The following NPHP4 variants were observed in gnomAD, a reference collection of about 807,000 sequenced individuals.
The protein encoded by NPHP4 is nephrocystin 4.
Under a neutral mutation model 155.8 loss-of-function variants are expected in NPHP4, and 151 were observed. That is an observed-to-expected ratio of 0.97 (90% CI 0.85 to 1.11). The LOEUF (loss-of-function observed/expected upper bound fraction) is 1.11. Ranked by LOEUF, NPHP4 falls within the 50% of genes least tolerant of loss-of-function variation. The pLI, the probability that NPHP4 is intolerant of heterozygous loss-of-function variation, is 0.00. For synonymous variants in NPHP4, 845 were observed against 816.8 expected (o/e 1.03, Z -0.59); for missense variants, 1,956 against 1,925.7 (o/e 1.02, Z -0.29).
At chr1:5,872,619 G>A (rs979219856) in intron 23 of NPHP4, among the ~76,000 whole-genome samples, 23 of 152,318 alleles carry the variant, frequency 1.5e-4, no homozygotes, top group African/African-American at 5.3e-4. Context: ...CCACGGGAAC[G>A]CCACAGCCTC....
At chr1:5,941,637 C>G (rs1646821665) in intron 9 of NPHP4, among the ~76,000 whole-genome samples, 1 of 152,044 alleles carries the variant, frequency 6.6e-6, no homozygotes, top group Admixed American at 6.5e-5. Flanking sequence ...TGAAGATGAG[C>G]CTGAAGCATC....
intron 9 of NPHP4, among the ~76,000 whole-genome samples, chr1:5,941,770 A>G (rs1431269847): frequency 6.6e-6 from 1 of 152,194 alleles, no homozygotes; most frequent in Non-Finnish European, 1.5e-5. Flanking sequence ...AATCAGAAGC[A>G]GTGACTTTGA....
chr1:5,955,320 C>T (rs886186842), intron 6 of NPHP4, among the ~76,000 whole-genome samples: 4 of 152,220 alleles, frequency 2.6e-5, no homozygotes, highest in African/African-American at 9.6e-5. Flanking sequence ...GAAAACTAGA[C>T]AGAGGTTCCT....
At position 5,944,870 on chromosome 1, in the gene NPHP4, T is replaced by C. The variant is rs1216437268; in HGVS notation, c.1119+2234A>G. Among the ~76,000 whole-genome samples the C allele has an allele frequency of 1.3e-5, 2 of 152,036 alleles. No homozygotes were observed. The highest frequency in any genetic ancestry group is 2.9e-5 in the Non-Finnish European group (2 of 68,008). On this transcript the variant is annotated intron_variant, in intron 9 of 29. Transcript: ENST00000378156. The surrounding 1 kb of genome is among the most constrained non-coding windows in gnomAD (Gnocchi z 4.3). Reference sequence around the variant, plus strand: ...CTATAGTCCCAGCTACTCAGGAGACTGAGGCAGGAGAGTCACTTGAACCCA... The same window carrying C: ...CTATAGTCCCAGCTACTCAGGAGACCGAGGCAGGAGAGTCACTTGAACCCA...
chr1:5,945,042 C>T (rs962025909), intron 9 of NPHP4, among the ~76,000 whole-genome samples: 1 of 152,194 alleles, frequency 6.6e-6, no homozygotes, highest in South Asian at 2.1e-4. Flanking sequence ...CGGCCACCAT[C>T]GAAACCACCT....
intron 2 of NPHP4, among the ~76,000 whole-genome samples, chr1:5,981,355 A>G (rs1156742479): frequency 6.6e-6 from 1 of 152,218 alleles, no homozygotes; most frequent in African/African-American, 2.4e-5. Flanking sequence ...AGTATAGGGC[A>G]GAGTCAACTC....
chr1:5,952,928 G>C, intron 6 of NPHP4, 92 bp from the exon 7 acceptor site: 1 of 1,246,992 alleles, frequency 8.0e-7, no homozygotes, highest in Non-Finnish European at 1.1e-6. Context: ...AGCCTCAGCC[G>C]GGGCCTGCAG....
Position 5,905,723 on chromosome 1 carries a change from G to A in NPHP4, c.1672C>T (p.Leu558=), listed in dbSNP as rs1644883722. ...TCGGCAATGGATGTTTCCAGGACCA[G>A]GGAGGTCTGGCTCAGGTCGGCTTCC... is the stretch of plus-strand genomic sequence containing the variant. ...HLEADLSQTS[L]VLETSIAEQL... Residue 558 remains leucine, a synonymous_variant, in exon 14 of 30, where the codon CTG becomes TTG. Transcript: ENST00000378156. This position sits in a 1 kb window ranked among gnomAD's most constrained non-coding sequence, Gnocchi z 4.0. 1 of 1,613,490 alleles carries A rather than the reference G, an allele frequency of 6.2e-7. No homozygotes were observed. The highest frequency in any genetic ancestry group is 1.3e-5 in the African/African-American group (1 of 74,926).
At chr1:5,864,957 A>G in intron 27 of NPHP4, 145 bp downstream of exon 27, 2 of 737,306 alleles carry the variant, frequency 2.7e-6, no homozygotes, top group East Asian at 2.7e-5. Flanking sequence ...AACTGCCGAG[A>G]GGCCTCTGGT....
chr1:5,934,852 C>G lies in NPHP4; in HGVS notation c.1120-1523G>C, dbSNP rs1646454309. On this transcript the variant is annotated intron_variant, in intron 9 of 29. Transcript: ENST00000378156. ...AGAGGATCCAGGAATTTGCGCTGCC[C>G]TGGGAGCGAAGGAGGAGGCAAGACT... Among the ~76,000 whole-genome samples, 4 of 152,312 alleles carry G rather than the reference C, an allele frequency of 2.6e-5. No homozygotes were observed. In the South Asian group the frequency reaches 8.3e-4, roughly 32 times the overall value.
At chr1:5,964,812 G>T (rs867564166) in intron 5 of NPHP4, among the ~76,000 whole-genome samples, 5 of 149,418 alleles carry the variant, frequency 3.3e-5, no homozygotes, top group African/African-American at 1.2e-4. Context: ...CAGGTGAGGG[G>T]ATGGGGAAAG....
chr1:5,951,310 T>C (rs1557816913), intron 7 of NPHP4, among the ~76,000 whole-genome samples: 2 of 152,228 alleles, frequency 1.3e-5, no homozygotes, highest in African/African-American at 4.8e-5. Flanking sequence ...GGGTGTGACG[T>C]GAAGAGGACT....
intron 5 of NPHP4, among the ~76,000 whole-genome samples, chr1:5,965,740 T>C (rs916690131): frequency 2.6e-5 from 4 of 152,108 alleles, no homozygotes; most frequent in African/African-American, 9.7e-5. Flanking sequence ...CCAGCCCTTC[T>C]AGAGACTCCA....
At chr1:5,878,367 C>T (rs921381774) in intron 19 of NPHP4, among the ~76,000 whole-genome samples, 6 of 152,348 alleles carry the variant, frequency 3.9e-5, no homozygotes, top group Middle Eastern at 6.8e-3. Flanking sequence ...TACAAGTCTC[C>T]GGCACAGGCC....
Position 5,877,109 on chromosome 1 carries a change from C to G in NPHP4, c.2801G>C (p.Arg934Pro). Residue 934 changes from arginine to proline, a missense_variant, in exon 20 of 30, where the codon CGC (arginine) becomes CCC (proline). Physicochemically the swap from Arg to Pro is moderately radical, Grantham distance 103. Transcript: ENST00000378156. ...AACCCTTACCAACACGCTCGTCCCG[C>G]GCCGGCCCAAGTCTCCCCCGGCCTC... The part of the protein sequence containing the change: ...LQEAGGDLGR[R>P]GTSVLAQQSV... 2.5e-6 allele frequency: 4 copies of G among 1,580,026 alleles called. No homozygotes were observed. The East Asian group carries it at 9.1e-5, about 36-fold the overall frequency.
intron 3 of NPHP4, among the ~76,000 whole-genome samples, chr1:5,977,516 G>A (rs1027080009): frequency 6.6e-6 from 1 of 151,952 alleles, no homozygotes; most frequent in Non-Finnish European, 1.5e-5. Flanking sequence ...AACACAACTT[G>A]CAATTACTCT....
At chr1:5,966,056 G>A (rs1199998712) in intron 5 of NPHP4, among the ~76,000 whole-genome samples, 2 of 152,120 alleles carry the variant, frequency 1.3e-5, no homozygotes, top group Non-Finnish European at 2.9e-5. Context: ...CTCTCGAAGG[G>A]TCTGTTTCTG....
chr1:5,891,509 G>A (rs537970824), intron 16 of NPHP4, among the ~76,000 whole-genome samples: 49 of 152,320 alleles, frequency 3.2e-4, no homozygotes, highest in African/African-American at 1.2e-3. Context: ...CACCTGCCCC[G>A]TGGGTATCCC....
intron 16 of NPHP4, among the ~76,000 whole-genome samples, chr1:5,897,209 C>T (rs1644436682): frequency 6.6e-6 from 1 of 152,048 alleles, no homozygotes; most frequent in African/African-American, 2.4e-5. Flanking sequence ...TCAAAAACAC[C>T]AATTAAATAA....
Sources: gnomAD v4.1 joint callset for allele counts (sites outside exome capture counted in the v4.1 genomes callset) on GRCh38, gnomAD v4.1.1 for gene constraint, Gnocchi (gnomAD v3.1) non-coding constraint, MANE v1.5 for transcripts, NCBI Gene and HGNC (gene_info 2026-07-23, HGNC 2026-07-21) for gene names.